GYS1: variants seen among roughly 807,000 people sequenced by gnomAD.
GYS1 encodes the protein glycogen synthase 1.
GYS1 carries 60 observed loss-of-function variants against 89.1 expected under a neutral mutation model. The observed-to-expected ratio is 0.67, with a 90% confidence interval of 0.55 to 0.84. The LOEUF is 0.84. Ranked by LOEUF, GYS1 falls within the 40% of genes least tolerant of loss-of-function variation. GYS1 has a pLI of 0.00. For missense variants in GYS1, 888 were observed against 1,003.1 expected (o/e 0.89, Z 1.55); for synonymous variants, 366 against 401.7 (o/e 0.91, Z 1.06).
Position 48,978,020 on chromosome 19 carries a change from G to T in GYS1, c.1230-18C>A, listed in dbSNP as rs1436662184. 9 of 1,611,236 alleles carry T rather than the reference G, an allele frequency of 5.6e-6. No individual in the cohort carries two copies. The highest frequency in any genetic ancestry group is 2.7e-5 in the African/African-American group (2 of 74,850). On this transcript the variant is annotated intron_variant, in intron 9 of 15. Transcript: ENST00000323798. ...GGCTCCCACTGCAAGGCAAGCAGGGGCATGCATGTGAGAACGGAGTAATGA... is the reference window on the plus strand; with the variant it reads ...GGCTCCCACTGCAAGGCAAGCAGGGTCATGCATGTGAGAACGGAGTAATGA...
chr19:48,991,984 C>T lies in GYS1; in HGVS notation c.119-501G>A, dbSNP rs568897836. 6.6e-6 allele frequency among the ~76,000 whole-genome samples: 1 copy of T among 152,192 alleles called. No homozygotes were observed. Among genetic ancestry groups the T allele is most frequent in the African/African-American group, 2.4e-5 (1 of 41,520 alleles). ...CCCAAGAGAAGCCTGCATGGTCATTCCCTGCCCCCAGGGACCTTGCTGACC... is the reference window on the plus strand; with the variant it reads ...CCCAAGAGAAGCCTGCATGGTCATTTCCTGCCCCCAGGGACCTTGCTGACC... On this transcript the variant is annotated intron_variant, in intron 1 of 15. Coordinates refer to ENST00000323798, the MANE Select transcript of GYS1 (RefSeq NM_002103.5). The surrounding 1 kb of genome is among the most constrained non-coding windows in gnomAD (Gnocchi z 4.7).
At chr19:48,976,299 A>C (rs753932084) in intron 10 of GYS1, among the ~76,000 whole-genome samples, 9 of 152,138 alleles carry the variant, frequency 5.9e-5, no homozygotes, top group Non-Finnish European at 1.3e-4. Context: ...AATGTAGACC[A>C]CAAGTACTGA....
At position 48,991,497 on chromosome 19, in the gene GYS1, C is replaced by G. The variant is rs544059582; in HGVS notation, c.119-14G>C. 1.4e-6 allele frequency: 2 copies of G among 1,439,448 alleles called. No individual in the cohort carries two copies. Among genetic ancestry groups the G allele is most frequent in the East Asian group, 7.0e-5 (2 of 28,694 alleles). The allele number at this position is 1,439,448 out of a possible 1,614,324, so 89.2% of individuals were successfully genotyped here. A position where few individuals can be genotyped will look rare whatever the true frequency, so the allele number is the denominator to read the frequency against. On this transcript the variant is annotated splice_polypyrimidine_tract_variant and intron_variant, in intron 1 of 15. Coordinates refer to ENST00000323798, the MANE Select transcript of GYS1 (RefSeq NM_002103.5). This position sits in a 1 kb window ranked among gnomAD's most constrained non-coding sequence, Gnocchi z 4.7. ...AGATGCCACCCACTGTGGGCCCAAGCGTGTGAGGGCAGGCCCCGGCCGAGG... is the reference window on the plus strand; with the variant it reads ...AGATGCCACCCACTGTGGGCCCAAGGGTGTGAGGGCAGGCCCCGGCCGAGG...
intron 2 of GYS1, among the ~76,000 whole-genome samples, chr19:48,990,528 C>T (rs2038910395): frequency 2.0e-5 from 3 of 152,214 alleles, no homozygotes; most frequent in Non-Finnish European, 4.4e-5. Context: ...ACTCTCCAAG[C>T]TTGGCTGTTA....
At chr19:48,992,480 A>G (rs2038951163) in intron 1 of GYS1, among the ~76,000 whole-genome samples, 1 of 151,604 alleles carries the variant, frequency 6.6e-6, no homozygotes. Context: ...TTCAAAGCCC[A>G]GGCATTCATT....
In GYS1 at chr19:48,968,937, G is replaced by A. The variant is rs2038504675; in HGVS notation, c.*351C>T. ...GTAGAATTTGTAAGCCACACGGGGG[G>A]CTCTAAAAGCCCCAGACCTGAAAGC... On this transcript the variant is annotated 3_prime_UTR_variant, in exon 16 of 16. Coordinates refer to ENST00000323798, the MANE Select transcript of GYS1 (RefSeq NM_002103.5). 5.7e-6 allele frequency: 3 copies of A among 526,080 alleles called. No homozygotes were observed. The highest frequency in any genetic ancestry group is 1.9e-5 in the African/African-American group (1 of 52,806). The allele number at this position is 526,080 out of a possible 1,614,324, so 32.6% of individuals were successfully genotyped here.
In GYS1 at chr19:48,987,178, G is replaced by T; in HGVS notation, c.492+16C>A. On this transcript the variant is annotated intron_variant, in intron 3 of 15. Transcript: ENST00000323798. ...GTAGTTTCAGGTATGGGTGGAATGT[G>T]TCAGACGGGGCCTACCTCACCCAGG... 6.3e-7 allele frequency: 1 copy of T among 1,585,702 alleles called. No homozygotes were observed. The highest frequency in any genetic ancestry group is 1.1e-5 in the South Asian group (1 of 89,980).
At position 48,974,306 on chromosome 19, in the gene GYS1, T is replaced by C; in HGVS notation, c.1456A>G (p.Ser486Gly). Residue 486 changes from serine to glycine, a missense_variant, in exon 12 of 16, where the codon AGC (serine) becomes GGC (glycine). Transcript: ENST00000323798. The stretch of plus-strand genomic sequence containing the variant: ...TCATAGTCCACAGGGAGCAGGGGGC[T>C]TGTGGAGGAGAGGAACTCCGGGTGG... ...IFHPEFLSST[S>G]PLLPVDYEEF... is the part of the protein sequence containing the mutation. 1 of 1,613,600 alleles carries C rather than the reference T, an allele frequency of 6.2e-7. No individual in the cohort carries two copies. The highest frequency in any genetic ancestry group is 8.5e-7 in the Non-Finnish European group (1 of 1,179,640).
chr19:48,974,307 TGTG>T lies in GYS1; in HGVS notation c.1452_1454del (p.Thr485del), dbSNP rs764928908. The T allele has an allele frequency of 6.2e-7, 1 of 1,613,804 alleles. No homozygotes were observed. The highest frequency in any genetic ancestry group is 8.5e-7 in the Non-Finnish European group (1 of 1,179,788). ...CATAGTCCACAGGGAGCAGGGGGCT[TGTG>T]GAGGAGAGGAACTCCGGGTGGAAAA... On this transcript the variant is annotated inframe_deletion, in exon 12 of 16. Coordinates refer to ENST00000323798, the MANE Select transcript of GYS1 (RefSeq NM_002103.5).
At position 48,987,240 on chromosome 19, in the gene GYS1, TTGGC is replaced by T. The variant is rs1222057857; in HGVS notation, c.442_445del (p.Ala148ThrfsTer9). ...CAGAAAGCCAAAGAGGACAGCGTCGTTGGCCTCGCGGTCGTACCACGGCACTCCG... is the reference window on the plus strand; with the variant it reads ...CAGAAAGCCAAAGAGGACAGCGTCGTCTCGCGGTCGTACCACGGCACTCCG... On this transcript the variant is annotated frameshift_variant, in exon 3 of 16. Transcript: ENST00000323798. LOFTEE classifies it high-confidence loss of function. 4 of 1,613,572 alleles carry T rather than the reference TTGGC, an allele frequency of 2.5e-6. No homozygotes were observed.
At chr19:48,975,961 A>G (rs928858117) in intron 10 of GYS1, among the ~76,000 whole-genome samples, 6 of 151,412 alleles carry the variant, frequency 4.0e-5, no homozygotes, top group Non-Finnish European at 5.9e-5. Context: ...TTCACCTCCA[A>G]CCCTAACAAA....
chr19:48,986,323 A>G (rs186426716), intron 3 of GYS1, among the ~76,000 whole-genome samples: 2 of 152,098 alleles, frequency 1.3e-5, no homozygotes, highest in East Asian at 3.9e-4. Context: ...GATTGGACAG[A>G]CTGAAGTTTT....
chr19:48,968,237 A>G lies in GYS1; in HGVS notation c.*1051T>C. Reference sequence around the variant, plus strand: ...AAACCAAGCGGTGCAGACACAGCACAGCACACATGAGGGGCCCTCCCTTTC... The same window carrying G: ...AAACCAAGCGGTGCAGACACAGCACGGCACACATGAGGGGCCCTCCCTTTC... On this transcript the variant is annotated 3_prime_UTR_variant, in exon 16 of 16. Coordinates refer to ENST00000323798, the MANE Select transcript of GYS1 (RefSeq NM_002103.5). The G allele has an allele frequency of 2.2e-6, 1 of 454,294 alleles. No homozygotes were observed. The highest frequency in any genetic ancestry group is 4.4e-6 in the Non-Finnish European group (1 of 226,794). 28.1% of individuals were successfully genotyped at this position (454,294 alleles called of 1,614,324 possible).
intron 2 of GYS1, among the ~76,000 whole-genome samples, chr19:48,988,272 C>A (rs1237547570): frequency 6.6e-6 from 1 of 152,182 alleles, no homozygotes; most frequent in African/African-American, 2.4e-5. Flanking sequence ...TGCCACATTT[C>A]TCTTACCAAC....
At chr19:48,983,710 G>C (rs1877497074) in intron 5 of GYS1, among the ~76,000 whole-genome samples, 1 of 151,918 alleles carries the variant, frequency 6.6e-6, no homozygotes. Context: ...CGGATACTAA[G>C]GGCTGGGAAG....
chr19:48,987,269 G>A lies in GYS1; in HGVS notation c.417C>T (p.Ile139=), dbSNP rs758550328. 1.7e-5 allele frequency: 28 copies of A among 1,612,888 alleles called. No homozygotes were observed. The highest frequency in any genetic ancestry group is 1.2e-4 in the South Asian group (11 of 90,780). The change falls in exon 3 of 16, where the codon ATC becomes ATT. Residue 139 remains isoleucine (I), a synonymous_variant. Transcript: ENST00000323798. ...WKGELWDTCN[I]GVPWYDREAN... is the part of the protein sequence containing the mutation. ...CCTCGCGGTCGTACCACGGCACTCC[G>A]ATGTTGCAGGTATCCCAGAGCTCTC...
At chr19:48,992,962 CTCG>C (rs944784024) in intron 1 of GYS1, 30 bp downstream of exon 1, 2 of 1,270,652 alleles carry the variant, frequency 1.6e-6, no homozygotes, top group Non-Finnish European at 2.3e-6. Context: ...TACTGTCCTT[CTCG>C]TCAAGGGCCC....
chr19:48,974,088 G>C lies in GYS1; in HGVS notation c.1549+125C>G. ...AAGCACGCGCTGTAGCAGAACAGGT[G>C]ATTACCATTGTTCCTGTTTTGCAAA... On this transcript the variant is annotated intron_variant, in intron 12 of 15. Coordinates refer to ENST00000323798, the MANE Select transcript of GYS1 (RefSeq NM_002103.5). 3 of 1,002,710 alleles carry C rather than the reference G, an allele frequency of 3.0e-6. No homozygotes were observed. In the South Asian group the frequency reaches 4.2e-5, roughly 14 times the overall value. 62.1% of individuals were successfully genotyped at this position (1,002,710 alleles called of 1,614,324 possible). A position where few individuals can be genotyped will look rare whatever the true frequency, so the allele number is the denominator to read the frequency against.
intron 2 of GYS1, among the ~76,000 whole-genome samples, chr19:48,988,555 GC>G (rs1377267100): frequency 6.6e-6 from 1 of 151,904 alleles, no homozygotes; most frequent in Non-Finnish European, 1.5e-5. Context: ...CTGCGTTCAA[GC>G]AGTTTTCTTG....
Sources: allele counts gnomAD v4.1 joint callset (sites outside exome capture counted in the v4.1 genomes callset), GRCh38; gene constraint gnomAD v4.1.1; non-coding constraint Gnocchi (gnomAD v3.1); transcripts MANE v1.5; gene names NCBI Gene and HGNC (gene_info 2026-07-23, HGNC 2026-07-21).